SYNE1: variants seen among roughly 807,000 people sequenced by gnomAD.
The protein encoded by SYNE1 is nesprin-1.
SYNE1 carries 616 observed loss-of-function variants against 1,111.0 expected under a neutral mutation model. The observed-to-expected ratio is 0.55, with a 90% CI of 0.52 to 0.59. The LOEUF (loss-of-function observed/expected upper bound fraction) is 0.59. Among genes scored for constraint, SYNE1 ranks in the 20% least tolerant of loss-of-function variants. The pLI is 0.00. For synonymous variants in SYNE1, 3,855 were observed against 3,825.8 expected (o/e 1.01, Z -0.28); for missense variants, 10,006 against 10,417.0 (o/e 0.96, Z 1.72).
intron 23 of SYNE1, 123 bp downstream of exon 23, chr6:152,455,763 G>T: frequency 7.0e-7 from 1 of 1,426,834 alleles, no homozygotes; most frequent in Non-Finnish European, 9.8e-7. Context: ...GTAGGACAAT[G>T]ATTGGCTTCC....
chr6:152,469,413 A>C (rs964144980), intron 16 of SYNE1, among the ~76,000 whole-genome samples: 3 of 152,266 alleles, frequency 2.0e-5, no homozygotes. Context: ...ATGGGTGCTC[A>C]GTAGCTAAAC....
At chr6:152,345,377 T>C (rs1342519242) in intron 73 of SYNE1, among the ~76,000 whole-genome samples, 8 of 152,132 alleles carry the variant, frequency 5.3e-5, no homozygotes, top group Admixed American at 5.2e-4. Flanking sequence ...CACTCCCCCT[T>C]TTCTCCCCTT....
intron 42 of SYNE1, among the ~76,000 whole-genome samples, chr6:152,411,727 A>ACC (rs935214512): frequency 1.3e-5 from 2 of 149,444 alleles, no homozygotes; most frequent in Non-Finnish European, 3.0e-5. Flanking sequence ...ACACACACAC[A>ACC]CCCCCACACA....
In SYNE1 at chr6:152,135,109, G is replaced by A. The variant is rs951363191; in HGVS notation, c.25783C>T (p.Leu8595Phe). The A allele has an allele frequency of 5.0e-6, 8 of 1,613,982 alleles. No homozygotes were observed. The highest frequency in any genetic ancestry group is 6.8e-6 in the Non-Finnish European group (8 of 1,180,004). Residue 8595 changes from leucine (L) to phenylalanine (F), a missense_variant, in exon 142 of 146, where the codon CTT becomes TTT. By Grantham distance (22) the Leu-to-Phe change is conservative. Around this residue, in one of 7 missense-constraint regions of SYNE1, gnomAD observed 761 missense variants for 795.5 expected, o/e 0.96. Coordinates refer to ENST00000367255, the MANE Select transcript of SYNE1 (RefSeq NM_182961.4). ...CCAGAGTTCACACATCTTACCATAA[G>A]CTGTTTGTGATGGTCCTGAAGTATC... ...AEILQDHHKQ[L>F]MQIKHELLES...
In SYNE1 at chr6:152,353,423, T is replaced by A; in HGVS notation, c.11093A>T (p.Lys3698Ile). 6.2e-7 allele frequency: 1 copy of A among 1,614,220 alleles called. No homozygotes were observed. Among genetic ancestry groups the A allele is most frequent in the Non-Finnish European group, 8.5e-7 (1 of 1,180,048 alleles). Reference protein sequence around the residue: ...ALLLQVLEQIKFLEEEIQSLE... With the variant: ...ALLLQVLEQIIFLEEEIQSLE... ...ACTCTGAATCTCCTCCTCCAGGAAT[T>A]TTATTTGTTCCTATGAAAGAAAAGA... Residue 3698 changes from lysine to isoleucine, a missense_variant, in exon 69 of 146, where the codon AAA (lysine) becomes ATA (isoleucine). Lys to Ile is a moderately radical substitution (Grantham distance 102). This residue lies in a region of SYNE1 where 4,955 missense variants were observed against 5,017.2 expected (regional missense o/e 0.99). Transcript: ENST00000367255.
chr6:152,557,977 G>T (rs578056608), intron 3 of SYNE1, among the ~76,000 whole-genome samples: 75 of 152,128 alleles, frequency 4.9e-4, no homozygotes, highest in African/African-American at 1.8e-3. Context: ...AAAGACAAAA[G>T]TATTAAAGAC....
In SYNE1 at chr6:152,214,779, T is replaced by C. The variant is rs2078255498; in HGVS notation, c.22346+127A>G. On this transcript the variant is annotated intron_variant, in intron 122 of 145. Transcript: ENST00000367255. ...CACCTTGACTGCGGACTTCCCAGTC[T>C]CCAGAACTGTGAGACTGTTCAACAT... The C allele has an allele frequency of 1.3e-5, 17 of 1,323,924 alleles. No individual in the cohort carries two copies. The South Asian group carries it at 2.1e-4, about 16-fold the overall frequency. 82.0% of individuals were successfully genotyped at this position (1,323,924 alleles called of 1,614,324 possible).
chr6:152,278,019 G>T, intron 98 of SYNE1, 70 bp downstream of exon 98: 1 of 1,564,826 alleles, frequency 6.4e-7, no homozygotes. Context: ...CCTTTACCTG[G>T]CAAACCTTAG....
At position 152,353,647 on chromosome 6, in the gene SYNE1, A is replaced by T. The variant is rs549182017; in HGVS notation, c.11024T>A (p.Met3675Lys). 73 of 1,614,202 alleles carry T rather than the reference A, an allele frequency of 4.5e-5. 2 individuals carry two copies. In the South Asian group the frequency reaches 7.8e-4, roughly 17 times the overall value. The change falls in exon 68 of 146, where the codon ATG becomes AAG. Residue 3675 changes from methionine (M) to lysine (K), a missense_variant. Transcript: ENST00000367255. ...AGTCAGCTGGGTGGCCTGGCAACCCATTCTGCTGTTCACGTGGCTCTCGTC... is the reference window on the plus strand; with the variant it reads ...AGTCAGCTGGGTGGCCTGGCAACCCTTTCTGCTGTTCACGTGGCTCTCGTC... ...ILDESHVNSR[M>K]GCQATQLTSR...
intron 3 of SYNE1, among the ~76,000 whole-genome samples, chr6:152,617,106 C>T (rs1324668204): frequency 6.6e-6 from 1 of 152,116 alleles, no homozygotes. Context: ...CTTAGGAACT[C>T]GGTTTGCCAC....
At position 152,221,415 on chromosome 6, in the gene SYNE1, A is replaced by G; in HGVS notation, c.21656+11T>C. ...GATATAAATAGTGTGTAAAGTTAAC[A>G]TACTCCATACCTCATGTTGACTTCT... On this transcript the variant is annotated intron_variant, in intron 118 of 145. Coordinates refer to ENST00000367255, the MANE Select transcript of SYNE1 (RefSeq NM_182961.4). The G allele has an allele frequency of 6.2e-7, 1 of 1,613,766 alleles. No individual in the cohort carries two copies.
At position 152,323,860 on chromosome 6, in the gene SYNE1, A is replaced by G. The variant is rs73783837; in HGVS notation, c.15658-123T>C. On this transcript the variant is annotated intron_variant, in intron 81 of 145. Transcript: ENST00000367255. The stretch of plus-strand genomic sequence containing the variant: ...TTAAAGATGATGATATAAATTCCAC[A>G]TGTTAGGAAACTGGAACCTGAGCAA... The G allele has an allele frequency of 0.01, 11,827 of 1,181,940 alleles. 851 individuals are homozygous for G. In the African/African-American group the frequency reaches 0.16, roughly 16 times the overall value. The allele number at this position is 1,181,940 out of a possible 1,614,324, so 73.2% of individuals were successfully genotyped here. A position where few individuals can be genotyped will look rare whatever the true frequency, so the allele number is the denominator to read the frequency against.
intron 142 of SYNE1, chr6:152,134,613 G>A (rs35298242): frequency 0.11 from 17,660 of 166,988 alleles, 1,157 homozygotes; most frequent in Non-Finnish European, 0.14. Flanking sequence ...TCCCGGAGGC[G>A]GAGATTGCAG....
rs1355372746 is a variant in SYNE1 at position 152,379,199 on chromosome 6, C to T, written c.9009+1807G>A. Among the ~76,000 whole-genome samples the T allele has an allele frequency of 2.6e-5, 4 of 152,190 alleles. No homozygotes were observed. The East Asian group carries it at 7.7e-4, about 29-fold the overall frequency. On this transcript the variant is annotated intron_variant, in intron 56 of 145. Coordinates refer to ENST00000367255, the MANE Select transcript of SYNE1 (RefSeq NM_182961.4). Reference sequence around the variant, plus strand: ...TTTAAAACATTTCTATAACTTCATCCTAAAGTATGTCAGTAGAGTCAATAT... The same window carrying T: ...TTTAAAACATTTCTATAACTTCATCTTAAAGTATGTCAGTAGAGTCAATAT...
At chr6:152,209,812 T>G (rs1412396578) in intron 124 of SYNE1, among the ~76,000 whole-genome samples, 1 of 152,150 alleles carries the variant, frequency 6.6e-6, no homozygotes, top group Non-Finnish European at 1.5e-5. Context: ...GACTTCTGTT[T>G]TTGAAAGGAA....
At chr6:152,605,029 A>AGGGGGG (rs1377874722) in intron 3 of SYNE1, among the ~76,000 whole-genome samples, 8 of 52,978 alleles carry the variant, frequency 1.5e-4, no homozygotes, top group Admixed American at 2.1e-4. Context: ...AGAGAGAGAG[A>AGGGGGG]GAGAGAGGGA....
At chr6:152,578,778 A>G (rs1447239153) in intron 3 of SYNE1, among the ~76,000 whole-genome samples, 2 of 152,116 alleles carry the variant, frequency 1.3e-5, no homozygotes, top group Admixed American at 6.6e-5. Context: ...CTATGCATAC[A>G]TCTATTTTAT....
At chr6:152,606,864 C>T (rs1005497554) in intron 3 of SYNE1, among the ~76,000 whole-genome samples, 9 of 151,438 alleles carry the variant, frequency 5.9e-5, no homozygotes, top group Admixed American at 5.9e-4. Context: ...CCATGTTAGC[C>T]AGGATGGTCT....
At chr6:152,564,984 A>G (rs563222929) in intron 3 of SYNE1, among the ~76,000 whole-genome samples, 1 of 152,340 alleles carries the variant, frequency 6.6e-6, no homozygotes, top group South Asian at 2.1e-4. Context: ...TTCATTCATC[A>G]ATAAATGTTA....
Sources: gnomAD v4.1 joint callset for allele counts (sites outside exome capture counted in the v4.1 genomes callset) on GRCh38, gnomAD v4.1.1 for gene constraint, gnomAD v4.1.1 regional missense constraint, MANE v1.5 for transcripts, NCBI Gene and HGNC (gene_info 2026-07-23, HGNC 2026-07-21) for gene names.